PSTPIP1: variants seen among roughly 807,000 people sequenced by gnomAD.
PSTPIP1 encodes the protein proline-serine-threonine phosphatase-interacting protein 1.
A neutral mutation model predicts 69.6 loss-of-function variants in PSTPIP1; 66 were observed. The observed-to-expected ratio is 0.95, with a 90% CI of 0.78 to 1.16. PSTPIP1 has a LOEUF of 1.16. Ranked by LOEUF, PSTPIP1 falls within the 50% of genes most tolerant of loss-of-function variation. The probability of loss-of-function intolerance (pLI) is 0.00; values close to 1 mark genes in which losing one functional copy is unlikely to be tolerated. For synonymous variants in PSTPIP1, 266 were observed against 222.7 expected (o/e 1.19, Z -1.73); for missense variants, 603 against 557.4 (o/e 1.08, Z -0.82).
chr15:77,005,302 C>T (rs527712041), intron 1 of PSTPIP1, among the ~76,000 whole-genome samples: 57 of 152,050 alleles, frequency 3.7e-4, no homozygotes, highest in Admixed American at 7.8e-4. Context: ...AGGAGAATTG[C>T]TTGAACCTGG....
rs758132547 is a variant in PSTPIP1, at chr15:77,035,863, A to G, written c.1047A>G (p.Ala349=). The part of the protein sequence containing the change: ...ERNEGVYTAI[A]VQEIQGNPAS... Reference sequence around the variant, plus strand: ...ATGAGGGTGTCTACACAGCCATCGCAGTGCAGGAGATACAGGGAAACCCGG... The same window carrying G: ...ATGAGGGTGTCTACACAGCCATCGCGGTGCAGGAGATACAGGGAAACCCGG... The change falls in exon 14 of 15, where the codon GCA becomes GCG. Residue 349 remains alanine (A), a synonymous_variant. Coordinates refer to ENST00000558012, the MANE Select transcript of PSTPIP1 (RefSeq NM_003978.5). 1 of 1,610,410 alleles carries G rather than the reference A, an allele frequency of 6.2e-7. No individual in the cohort carries two copies. Among genetic ancestry groups the G allele is most frequent in the South Asian group, 1.1e-5 (1 of 90,996 alleles).
rs973857374 is a variant in PSTPIP1 at position 77,030,693 on chromosome 15, T to G, written c.642+112T>G. The stretch of plus-strand genomic sequence containing the variant: ...TGAGGCAGTTGGGGAAGGTACCTGT[T>G]ACTCACTCGTTTATTCAGCCTCCTG... On this transcript the variant is annotated intron_variant, in intron 9 of 14. Coordinates refer to ENST00000558012, the MANE Select transcript of PSTPIP1 (RefSeq NM_003978.5). 4.1e-5 allele frequency: 43 copies of G among 1,058,832 alleles called. No individual in the cohort carries two copies. The Admixed American group carries it at 8.8e-4, about 22-fold the overall frequency. 65.6% of individuals were successfully genotyped at this position (1,058,832 alleles called of 1,614,324 possible).
chr15:77,012,112 GCCAT>G (rs566088503), intron 1 of PSTPIP1, among the ~76,000 whole-genome samples: 23,199 of 87,896 alleles, frequency 0.26, 4,872 homozygotes, highest in East Asian at 0.45. Flanking sequence ...GAGGGCTCTG[GCCAT>G]CCATCCATCC....
chr15:77,036,966 G>A, intron 14 of PSTPIP1, 79 bp from the exon 15 acceptor site: 1 of 1,550,978 alleles, frequency 6.4e-7, no homozygotes, highest in South Asian at 1.2e-5. Context: ...ACTGCTGGGT[G>A]GGGGAACGCC....
At chr15:77,015,794 C>A in intron 1 of PSTPIP1, 4 of 399,676 alleles carry the variant, frequency 1.0e-5, no homozygotes, top group South Asian at 7.2e-5. Context: ...TCGTGAGCAG[C>A]CCCTGGAGAG....
In PSTPIP1 at chr15:77,027,768, C is replaced by T. The variant is rs573965425; in HGVS notation, c.355-84C>T. 241 of 1,492,968 alleles carry T rather than the reference C, an allele frequency of 1.6e-4. 2 individuals carry two copies. In the South Asian group the frequency reaches 2.8e-3, roughly 17 times the overall value. The allele number at this position is 1,492,968 out of a possible 1,614,324, so 92.5% of individuals were successfully genotyped here. A position where few individuals can be genotyped will look rare whatever the true frequency, so the allele number is the denominator to read the frequency against. Reference sequence around the variant, plus strand: ...CAGAGCCAGGAGAGGTGCTGCGCCTCATCCCAGGGACACTCCGTCCTCTTG... The same window carrying T: ...CAGAGCCAGGAGAGGTGCTGCGCCTTATCCCAGGGACACTCCGTCCTCTTG... On this transcript the variant is annotated intron_variant, in intron 5 of 14. Transcript: ENST00000558012. This position sits in a 1 kb window ranked among gnomAD's most constrained non-coding sequence, Gnocchi z 4.3.
intron 1 of PSTPIP1, chr15:76,999,480 T>C (rs1239568087): frequency 1.3e-5 from 2 of 152,216 alleles, no homozygotes; most frequent in African/African-American, 4.8e-5. Flanking sequence ...GATTTCACCA[T>C]GTTGGCCTGG....
intron 1 of PSTPIP1, among the ~76,000 whole-genome samples, chr15:77,017,350 G>T (rs1307700099): frequency 1.3e-5 from 2 of 152,196 alleles, no homozygotes; most frequent in Non-Finnish European, 2.9e-5. Context: ...AATTGGGTTG[G>T]CCAGGAACAA....
rs768395688 is a variant in PSTPIP1, at chr15:77,025,557, C to A, written c.307C>A (p.Arg103=). 6.4e-7 allele frequency: 1 copy of A among 1,554,342 alleles called. No homozygotes were observed. The change falls in exon 5 of 15, where the codon CGG becomes AGG. Residue 103 remains arginine (R), a synonymous_variant. Coordinates refer to ENST00000558012, the MANE Select transcript of PSTPIP1 (RefSeq NM_003978.5). ...GGCCCTGACCCTGCGTGAGGAGCTG[C>A]GGAGTCTCGAGGAGTTTCGTGAGAG... ...QLALTLREEL[R]SLEEFRERQK... is the part of the protein sequence containing the mutation.
In PSTPIP1 at chr15:77,035,301, AAGG is replaced by A. The variant is rs573951876; in HGVS notation, c.930-201_930-199del. On this transcript the variant is annotated intron_variant, in intron 12 of 14. Coordinates refer to ENST00000558012, the MANE Select transcript of PSTPIP1 (RefSeq NM_003978.5). ...GCGCCAGTGGAGGGCGTAGCTGGGGAAGGAGGAGCCACCAGGACTACTTTCTGG... is the reference window on the plus strand; with the variant it reads ...GCGCCAGTGGAGGGCGTAGCTGGGGAAGGAGCCACCAGGACTACTTTCTGG... Among the ~76,000 whole-genome samples the A allele has an allele frequency of 1.6e-3, 238 of 152,144 alleles. 1 individual carries two copies. Among genetic ancestry groups the A allele is most frequent in the African/African-American group, 5.7e-3 (235 of 41,508 alleles).
At chr15:77,012,708 A>T (rs1407671519) in intron 1 of PSTPIP1, among the ~76,000 whole-genome samples, 1 of 152,198 alleles carries the variant, frequency 6.6e-6, no homozygotes, top group East Asian at 1.9e-4. Flanking sequence ...CCGTATCTAT[A>T]CAATGGGGAT....
rs11373069 is a variant in PSTPIP1 at position 77,035,767 on chromosome 15, G to GA, written c.986-33dup. On this transcript the variant is annotated intron_variant, in intron 13 of 14. Coordinates refer to ENST00000558012, the MANE Select transcript of PSTPIP1 (RefSeq NM_003978.5). ...GGACTTCCAGGGGCCAGTGTCCCCA[G>GA]AAGGGGAGGGGTCTATGTCTCACCC... is the stretch of plus-strand genomic sequence containing the variant. 1,584,088 of 1,584,112 alleles carry GA rather than the reference G, an allele frequency of 1. 792,032 individuals are homozygous for GA. The highest frequency in any genetic ancestry group is 1 in the Middle Eastern group (5,030 of 5,030).
chr15:77,026,743 C>T (rs1403343015), intron 5 of PSTPIP1, among the ~76,000 whole-genome samples: 1 of 152,228 alleles, frequency 6.6e-6, no homozygotes, highest in African/African-American at 2.4e-5. Flanking sequence ...AGGGGGTCCC[C>T]AGAAGCCAGC....
At chr15:77,035,213 C>CG (rs1273785136) in intron 12 of PSTPIP1, among the ~76,000 whole-genome samples, 1 of 152,192 alleles carries the variant, frequency 6.6e-6, no homozygotes, top group Non-Finnish European at 1.5e-5. Context: ...GCTACAGCTT[C>CG]GGGGGTTCTA....
At chr15:77,029,420 T>C in intron 7 of PSTPIP1, 109 bp from the exon 8 acceptor site, 2 of 1,316,030 alleles carry the variant, frequency 1.5e-6, no homozygotes, top group South Asian at 1.3e-5. Context: ...GGCTCCTGAA[T>C]GTTCCCCCCA....
intron 14 of PSTPIP1, 62 bp downstream of exon 14, chr15:77,035,997 C>T (rs1158313140): frequency 1.3e-6 from 2 of 1,511,488 alleles, no homozygotes; most frequent in Non-Finnish European, 1.8e-6. Context: ...AGCTCCCTCT[C>T]CCATCCAGTG....
chr15:77,035,170 A>G (rs1383284451), intron 12 of PSTPIP1, among the ~76,000 whole-genome samples: 1 of 152,000 alleles, frequency 6.6e-6, no homozygotes, highest in Non-Finnish European at 1.5e-5. Context: ...AGGTCCTAGA[A>G]CCCCCAAAGG....
chr15:77,026,027 G>A, intron 5 of PSTPIP1: 1 of 454,092 alleles, frequency 2.2e-6, no homozygotes, highest in Non-Finnish European at 4.4e-6. Flanking sequence ...CCACAGGACT[G>A]CCCAAGGCTG....
chr15:77,001,019 G>A lies in PSTPIP1; in HGVS notation c.36+5410G>A, dbSNP rs140481947. On this transcript the variant is annotated intron_variant, in intron 1 of 14. Transcript: ENST00000558012. The stretch of plus-strand genomic sequence containing the variant: ...CACTCCATCGGGAACACCTGTGGGT[G>A]TGGACATGGGTTCCTCATTTTCAGC... Among the ~76,000 whole-genome samples, 3 of 152,318 alleles carry A rather than the reference G, an allele frequency of 2.0e-5. No individual in the cohort carries two copies. The East Asian group carries it at 5.8e-4, about 29-fold the overall frequency.
Sources: allele counts gnomAD v4.1 joint callset (sites outside exome capture counted in the v4.1 genomes callset), GRCh38; gene constraint gnomAD v4.1.1; non-coding constraint Gnocchi (gnomAD v3.1); transcripts MANE v1.5; gene names NCBI Gene and HGNC (gene_info 2026-07-23, HGNC 2026-07-21).